The following B3GNT5 variants were observed in gnomAD, a reference collection of about 807,000 sequenced individuals.
B3GNT5 encodes lactosylceramide 1,3-N-acetyl-beta-D-glucosaminyltransferase.
B3GNT5 carries 11 observed loss-of-function variants against 25.9 expected under a neutral mutation model. That is an observed-to-expected ratio of 0.42 (90% confidence interval 0.27 to 0.70). The LOEUF (loss-of-function observed/expected upper bound fraction) is 0.70. B3GNT5 is among the 30% of genes least tolerant of loss of function. B3GNT5 has a pLI of 0.23. For synonymous variants in B3GNT5, 166 were observed against 158.6 expected, an observed-to-expected ratio of 1.05 and a Z score of -0.35; for missense variants, 385 against 458.4, an observed-to-expected ratio of 0.84 and a Z score of 1.46.
intron 1 of B3GNT5, chr3:183,253,917 C>T (rs1040704366): frequency 2.6e-5 from 4 of 152,228 alleles, no homozygotes; most frequent in Non-Finnish European, 5.9e-5. Flanking sequence ...GCTTCCTTTC[C>T]GGATCGCTAA....
rs180747040 is a variant in B3GNT5, at chr3:183,260,514, A to G, written c.-302+7042A>G. 2.7e-3 allele frequency among the ~76,000 whole-genome samples: 417 copies of G among 152,248 alleles called. 3 individuals are homozygous for G. The highest frequency in any genetic ancestry group is 9.5e-3 in the African/African-American group (396 of 41,544). On this transcript the variant is annotated intron_variant, in intron 1 of 1. Transcript: ENST00000326505. ...TATGTCAGCTTTTTTATTTGTTTCA[A>G]ATTTTGCATAATCAAACTGGTTACT...
intron 1 of B3GNT5, among the ~76,000 whole-genome samples, chr3:183,255,385 T>C (rs147764010): frequency 2.6e-5 from 4 of 152,372 alleles, no homozygotes; most frequent in African/African-American, 9.6e-5. Flanking sequence ...GGGCCAACTC[T>C]TTGCTTTTAA....
chr3:183,270,393 C>T lies in B3GNT5; in HGVS notation c.595C>T (p.His199Tyr). The change falls in exon 2 of 2, where the codon CAC becomes TAC. Residue 199 changes from histidine (H) to tyrosine (Y), a missense_variant. By Grantham distance (83) the His-to-Tyr change is moderately conservative. Coordinates refer to ENST00000326505, the MANE Select transcript of B3GNT5 (RefSeq NM_032047.5). The surrounding 1 kb of genome is among the most constrained non-coding windows in gnomAD (Gnocchi z 4.5). The part of the protein sequence containing the change: ...LMTADDDIFI[H>Y]MPNLIEYLQS... The stretch of plus-strand genomic sequence containing the variant: ...GACTGCTGATGATGACATATTTATT[C>T]ACATGCCAAATCTGATTGAGTACCT... 6.2e-7 allele frequency: 1 copy of T among 1,614,198 alleles called. No individual in the cohort carries two copies. The highest frequency in any genetic ancestry group is 8.5e-7 in the Non-Finnish European group (1 of 1,180,028).
intron 1 of B3GNT5, among the ~76,000 whole-genome samples, chr3:183,261,977 A>G (rs1384758247): frequency 7.0e-6 from 1 of 143,650 alleles, no homozygotes; most frequent in Non-Finnish European, 1.5e-5. Context: ...AAAAAAAAAA[A>G]GAATAGAATT....
At chr3:183,266,727 G>A (rs1233427376) in intron 1 of B3GNT5, among the ~76,000 whole-genome samples, 1 of 151,814 alleles carries the variant, frequency 6.6e-6, no homozygotes, top group Admixed American at 6.6e-5. Context: ...GTCCAGAAAT[G>A]ACCAGCCTGT....
chr3:183,255,817 A>G (rs1030294043), intron 1 of B3GNT5, among the ~76,000 whole-genome samples: 28 of 152,094 alleles, frequency 1.8e-4, no homozygotes, highest in African/African-American at 4.3e-4. Flanking sequence ...TAAAAAAAAA[A>G]AAAAAGAAAA....
chr3:183,255,600 G>A (rs1724971289), intron 1 of B3GNT5, among the ~76,000 whole-genome samples: 1 of 152,222 alleles, frequency 6.6e-6, no homozygotes, highest in South Asian at 2.1e-4. Context: ...CCAAAGCTCA[G>A]AGCAGCTGTT....
Position 183,271,968 on chromosome 3 carries a change from C to G in B3GNT5, c.*1033C>G, listed in dbSNP as rs1284917939. Reference sequence around the variant, plus strand: ...CAACAAGGTCTTATAAACCACAGCACTTTGTTCCAAGTTCAGAGTTTTAAA... The same window carrying G: ...CAACAAGGTCTTATAAACCACAGCAGTTTGTTCCAAGTTCAGAGTTTTAAA... On this transcript the variant is annotated 3_prime_UTR_variant, in exon 2 of 2. Coordinates refer to ENST00000326505, the MANE Select transcript of B3GNT5 (RefSeq NM_032047.5). 1 of 229,406 alleles carries G rather than the reference C, an allele frequency of 4.4e-6. No individual in the cohort carries two copies. The highest frequency in any genetic ancestry group is 1.8e-4 in the East Asian group (1 of 5,458). The allele number at this position is 229,406 out of a possible 1,614,324, so 14.2% of individuals were successfully genotyped here.
At chr3:183,268,926 A>G (rs144842483) in intron 1 of B3GNT5, among the ~76,000 whole-genome samples, 47 of 152,356 alleles carry the variant, frequency 3.1e-4, no homozygotes, top group African/African-American at 1.1e-3. Context: ...AGGTGGCTGT[A>G]TAAATCTGGG....
In B3GNT5 at chr3:183,273,141, T is replaced by C. The variant is rs1440357054; in HGVS notation, c.*2206T>C. The C allele has an allele frequency of 1.5e-6, 1 of 677,558 alleles. No individual in the cohort carries two copies. The highest frequency in any genetic ancestry group is 2.4e-6 in the Non-Finnish European group (1 of 424,258). The allele number at this position is 677,558 out of a possible 1,614,324, so 42.0% of individuals were successfully genotyped here. ...GTGCTCCAGTGTAGGGCTATCTTTT[T>C]AAAAAATGTCAACAAAGGGAAAATA... On this transcript the variant is annotated 3_prime_UTR_variant, in exon 2 of 2. Transcript: ENST00000326505.
intron 1 of B3GNT5, among the ~76,000 whole-genome samples, chr3:183,260,371 A>C (rs1224241295): frequency 6.6e-6 from 1 of 152,100 alleles, no homozygotes; most frequent in Non-Finnish European, 1.5e-5. Context: ...AAAAACTGAC[A>C]ACAGTTATAT....
chr3:183,262,811 C>T (rs542486149), intron 1 of B3GNT5, among the ~76,000 whole-genome samples: 1 of 152,176 alleles, frequency 6.6e-6, no homozygotes, highest in African/African-American at 2.4e-5. Context: ...GGAACAGTCA[C>T]GTAGCACTGA....
At chr3:183,255,896 CTTTT>C (rs1393679573) in intron 1 of B3GNT5, among the ~76,000 whole-genome samples, 22 of 151,874 alleles carry the variant, frequency 1.4e-4, no homozygotes, top group Middle Eastern at 3.4e-3. Context: ...AATGGGTCAT[CTTTT>C]AAAATGGGTC....
At chr3:183,258,129 A>G (rs745720097) in intron 1 of B3GNT5, among the ~76,000 whole-genome samples, 2 of 151,350 alleles carry the variant, frequency 1.3e-5, no homozygotes, top group Non-Finnish European at 1.5e-5. Flanking sequence ...CACCACACCC[A>G]GCTAATTTTT....
intron 1 of B3GNT5, among the ~76,000 whole-genome samples, chr3:183,255,245 G>A (rs770462184): frequency 1.3e-5 from 2 of 152,192 alleles, no homozygotes; most frequent in Non-Finnish European, 2.9e-5. Context: ...TGGTGGCACC[G>A]AAATGATTCC....
rs1726546762 is a variant in B3GNT5 at position 183,269,637 on chromosome 3, G to T, written c.-162G>T. 1.6e-6 allele frequency: 1 copy of T among 625,504 alleles called. No homozygotes were observed. The highest frequency in any genetic ancestry group is 2.6e-6 in the Non-Finnish European group (1 of 380,966). 38.7% of individuals were successfully genotyped at this position (625,504 alleles called of 1,614,324 possible). On this transcript the variant is annotated 5_prime_UTR_variant, in exon 2 of 2. The change abolishes an upstream ATG in the 5' untranslated region. Transcript: ENST00000326505. ...CATTCTTCCGCAATCTCAGAAAAATGGGACTAAAAGAAACTATTTTGTAAA... is the reference window on the plus strand; with the variant it reads ...CATTCTTCCGCAATCTCAGAAAAATTGGACTAAAAGAAACTATTTTGTAAA...
chr3:183,267,848 T>C lies in B3GNT5; in HGVS notation c.-301-1650T>C, dbSNP rs1726311164. On this transcript the variant is annotated intron_variant, in intron 1 of 1. Coordinates refer to ENST00000326505, the MANE Select transcript of B3GNT5 (RefSeq NM_032047.5). The surrounding 1 kb of genome is among the most constrained non-coding windows in gnomAD (Gnocchi z 5.5). ...TGGCTAGGGTCCTGACCTCCAATCC[T>C]TCCCCAGTAACCATCACTTTGAGTA... Among the ~76,000 whole-genome samples the C allele has an allele frequency of 6.6e-6, 1 of 152,128 alleles. No individual in the cohort carries two copies. The highest frequency in any genetic ancestry group is 2.1e-4 in the South Asian group (1 of 4,834).
At chr3:183,265,042 A>G (rs1473904499) in intron 1 of B3GNT5, among the ~76,000 whole-genome samples, 1 of 152,208 alleles carries the variant, frequency 6.6e-6, no homozygotes, top group Non-Finnish European at 1.5e-5. Flanking sequence ...TTTTCTTCTA[A>G]GCAATTCTTT....
chr3:183,268,627 A>G (rs1228874183), intron 1 of B3GNT5, among the ~76,000 whole-genome samples: 1 of 152,128 alleles, frequency 6.6e-6, no homozygotes, highest in Non-Finnish European at 1.5e-5. Flanking sequence ...GAGAAATGAC[A>G]CTTGAGTACC....
Sources: allele counts gnomAD v4.1 joint callset (sites outside exome capture counted in the v4.1 genomes callset), GRCh38; gene constraint gnomAD v4.1.1; non-coding constraint Gnocchi (gnomAD v3.1); transcripts MANE v1.5; gene names NCBI Gene and HGNC (gene_info 2026-07-23, HGNC 2026-07-21).